Variants in CSMD1 observed in about 807,000 individuals in gnomAD.
CSMD1 encodes the protein CUB and Sushi multiple domains 1.
Under a neutral mutation model 417.5 loss-of-function variants are expected in CSMD1, and 213 were observed. That is an observed-to-expected ratio of 0.51 (90% CI 0.46 to 0.57). CSMD1 has a LOEUF of 0.57. Among genes scored for constraint, CSMD1 ranks in the 20% least tolerant of loss-of-function variants. The pLI is 0.00. For synonymous variants in CSMD1, 2,862 were observed against 1,736.8 expected, an observed-to-expected ratio of 1.65 and a Z score of -16.11; for missense variants, 6,923 against 4,529.7, an observed-to-expected ratio of 1.53 and a Z score of -15.17.
intron 2 of CSMD1, among the ~76,000 whole-genome samples, chr8:4,626,782 C>G (rs541645384): frequency 1.6e-4 from 25 of 152,162 alleles, no homozygotes; most frequent in Non-Finnish European, 2.8e-4. Flanking sequence ...ATCTGAAAAC[C>G]TGAAGCCCTG....
intron 3 of CSMD1, among the ~76,000 whole-genome samples, chr8:4,180,064 C>G (rs1365603516): frequency 1.3e-5 from 2 of 152,088 alleles, no homozygotes; most frequent in Non-Finnish European, 2.9e-5. Flanking sequence ...TTGACCCAGC[C>G]ATCCCATTAC....
intron 2 of CSMD1, among the ~76,000 whole-genome samples, chr8:4,598,964 T>C (rs1800428027): frequency 1.3e-5 from 2 of 152,222 alleles, no homozygotes; most frequent in South Asian, 4.1e-4. Flanking sequence ...GTTAAACCAA[T>C]TGTTAGTCTT....
rs115129608 is a variant in CSMD1 at position 4,165,803 on chromosome 8, T to C, written c.416-133704A>G. On this transcript the variant is annotated intron_variant, in intron 3 of 69. Transcript: ENST00000635120. ...CTCACGTGTTGTCACTCCAGCCGCA[T>C]TATGTCACTCTTACTAGGTTGTTGC... 4.0e-3 allele frequency among the ~76,000 whole-genome samples: 614 copies of C among 152,350 alleles called. 4 individuals are homozygous for C. The highest frequency in any genetic ancestry group is 0.014 in the African/African-American group (565 of 41,574).
intron 58 of CSMD1, 51 bp downstream of exon 58, chr8:2,966,519 G>C: frequency 2.6e-6 from 4 of 1,520,920 alleles, no homozygotes; most frequent in African/African-American, 1.4e-5. Flanking sequence ...TTTCCCAATG[G>C]AGTGAATTTC....
At chr8:4,043,565 C>T (rs569735537) in intron 3 of CSMD1, among the ~76,000 whole-genome samples, 1 of 152,296 alleles carries the variant, frequency 6.6e-6, no homozygotes, top group East Asian at 1.9e-4. Context: ...ATGTGTGCTG[C>T]TGTCTGGCCG....
At chr8:3,777,283 T>C (rs1337360137) in intron 5 of CSMD1, among the ~76,000 whole-genome samples, 2 of 151,976 alleles carry the variant, frequency 1.3e-5, no homozygotes, top group Non-Finnish European at 2.9e-5. Flanking sequence ...TGGTGCACAG[T>C]CCACAGTCAG....
chr8:4,772,851 A>C (rs1796667163), intron 1 of CSMD1, among the ~76,000 whole-genome samples: 1 of 152,206 alleles, frequency 6.6e-6, no homozygotes, highest in Non-Finnish European at 1.5e-5. Context: ...TCTGCTTCTG[A>C]ATCATTCCAT....
intron 1 of CSMD1, among the ~76,000 whole-genome samples, chr8:4,718,895 C>G (rs79261838): frequency 1.3e-5 from 2 of 151,952 alleles, no homozygotes; most frequent in Non-Finnish European, 2.9e-5. Flanking sequence ...TATCTTTGAA[C>G]TCTATGACAT....
intron 3 of CSMD1, among the ~76,000 whole-genome samples, chr8:4,323,112 G>A (rs80324183): frequency 0.04 from 6,073 of 152,308 alleles, 165 homozygotes; most frequent in Middle Eastern, 0.078. Flanking sequence ...ATTTTAATGA[G>A]ACATTAATTG....
chr8:3,845,016 T>C (rs1235653530), intron 5 of CSMD1, among the ~76,000 whole-genome samples: 1 of 152,232 alleles, frequency 6.6e-6, no homozygotes, highest in Non-Finnish European at 1.5e-5. Context: ...ACAAAGGTTA[T>C]TGATGTATAA....
At chr8:4,491,005 G>C (rs1801670062) in intron 2 of CSMD1, among the ~76,000 whole-genome samples, 1 of 152,150 alleles carries the variant, frequency 6.6e-6, no homozygotes, top group Non-Finnish European at 1.5e-5. Context: ...ACAGTGTATT[G>C]AGGCTAGGGA....
intron 18 of CSMD1, among the ~76,000 whole-genome samples, chr8:3,379,530 G>T (rs1448159829): frequency 1.3e-5 from 2 of 152,242 alleles, no homozygotes; most frequent in African/African-American, 4.8e-5. Context: ...AAACAGCAAG[G>T]TACTGGTACC....
intron 7 of CSMD1, among the ~76,000 whole-genome samples, chr8:3,652,005 G>C (rs367726742): frequency 8.2e-6 from 1 of 122,138 alleles, no homozygotes; most frequent in African/African-American, 3.2e-5. Flanking sequence ...CATACCATCA[G>C]TGCGCTTACC....
chr8:3,052,781 C>CA, intron 49 of CSMD1, 134 bp from the exon 50 acceptor site: 1 of 536,682 alleles, frequency 1.9e-6, no homozygotes, highest in Non-Finnish European at 2.7e-6. Flanking sequence ...CTTTTTTTTT[C>CA]TTTCTTTTTT....
At chr8:4,312,553 A>C (rs148654273) in intron 3 of CSMD1, among the ~76,000 whole-genome samples, 92 of 151,514 alleles carry the variant, frequency 6.1e-4, no homozygotes, top group African/African-American at 2.1e-3. Flanking sequence ...GAAAGGGCTC[A>C]CAGTCGTTCT....
chr8:3,101,634 C>T (rs1295776003), intron 46 of CSMD1, among the ~76,000 whole-genome samples: 1 of 151,758 alleles, frequency 6.6e-6, no homozygotes, highest in African/African-American at 2.4e-5. Flanking sequence ...ACCATGTTAC[C>T]CAGGATGGTC....
chr8:3,637,559 A>G (rs1031332464), intron 7 of CSMD1, among the ~76,000 whole-genome samples: 1 of 152,078 alleles, frequency 6.6e-6, no homozygotes, highest in African/African-American at 2.4e-5. Flanking sequence ...CTTTTTTCCT[A>G]TTTTTTAATA....
intron 3 of CSMD1, 151 bp downstream of exon 3, chr8:4,419,802 C>T (rs918795395): frequency 2.0e-6 from 1 of 503,078 alleles, no homozygotes; most frequent in African/African-American, 1.9e-5. Context: ...AACAGTGTTA[C>T]CAAATGCCAT....
Position 4,026,309 on chromosome 8 carries a change from G to A in CSMD1, c.610+5596C>T, listed in dbSNP as rs915592804. ...CATACTACACCAGACACTGAGAAAA[G>A]CAAAATTTAAATGTAAATGTAATAA... On this transcript the variant is annotated intron_variant, in intron 4 of 69. Transcript: ENST00000635120. Among the ~76,000 whole-genome samples, 77 of 152,224 alleles carry A rather than the reference G, an allele frequency of 5.1e-4. 1 individual carries two copies. The highest frequency in any genetic ancestry group is 3.4e-3 in the Middle Eastern group (1 of 294).
Sources: gnomAD v4.1 joint callset for allele counts (sites outside exome capture counted in the v4.1 genomes callset) on GRCh38, gnomAD v4.1.1 for gene constraint, MANE v1.5 for transcripts, NCBI Gene and HGNC (gene_info 2026-07-23, HGNC 2026-07-21) for gene names.